The following GLRX3 variants were observed in gnomAD, a reference collection of about 807,000 sequenced individuals.
The protein encoded by GLRX3 is glutaredoxin 3.
A neutral mutation model predicts 49.5 loss-of-function variants in GLRX3; 22 were observed. The ratio of observed to expected loss-of-function variants is 0.44; its 90% CI spans 0.32 to 0.63. The LOEUF (loss-of-function observed/expected upper bound fraction) is 0.63, where lower values mean the gene tolerates loss of function less well. Ranked by LOEUF, GLRX3 falls within the 30% of genes least tolerant of loss-of-function variation. The pLI, the probability that GLRX3 is intolerant of heterozygous loss-of-function variation, is 0.05. For synonymous variants in GLRX3, 133 were observed against 140.0 expected, an observed-to-expected ratio of 0.95 and a Z score of 0.35; for missense variants, 385 against 396.3, an observed-to-expected ratio of 0.97 and a Z score of 0.24.
chr10:130,147,750 G>A (rs563578748), intron 2 of GLRX3, among the ~76,000 whole-genome samples: 3 of 152,340 alleles, frequency 2.0e-5, no homozygotes, highest in Admixed American at 6.5e-5. Context: ...CCCAGTAAGA[G>A]AGGCGTGCAG....
intron 4 of GLRX3, among the ~76,000 whole-genome samples, chr10:130,165,938 G>A (rs1244284948): frequency 2.0e-5 from 3 of 152,208 alleles, no homozygotes; most frequent in Non-Finnish European, 4.4e-5. Flanking sequence ...GCCACCCATG[G>A]CCTCATCATG....
chr10:130,139,875 G>A (rs1385507156), intron 1 of GLRX3, among the ~76,000 whole-genome samples: 1 of 152,170 alleles, frequency 6.6e-6, no homozygotes, highest in Non-Finnish European at 1.5e-5. Context: ...GCTGCGGTGA[G>A]CTATGATCCT....
intron 2 of GLRX3, among the ~76,000 whole-genome samples, chr10:130,152,055 C>G (rs1862387147): frequency 6.6e-6 from 1 of 151,574 alleles, no homozygotes; most frequent in African/African-American, 2.4e-5. Context: ...GAGTCTCACT[C>G]TATTGCCCAG....
chr10:130,139,492 A>G (rs1192914011), intron 1 of GLRX3, among the ~76,000 whole-genome samples: 1 of 151,978 alleles, frequency 6.6e-6, no homozygotes. Flanking sequence ...AATACAAAAA[A>G]TTAGCCAGGC....
chr10:130,147,154 G>A (rs886373565), intron 2 of GLRX3, among the ~76,000 whole-genome samples: 2 of 152,188 alleles, frequency 1.3e-5, no homozygotes, highest in Admixed American at 1.3e-4. Context: ...TGTAACTGTA[G>A]AGTGTAACCC....
intron 1 of GLRX3, among the ~76,000 whole-genome samples, chr10:130,138,804 T>A (rs1275659059): frequency 7.9e-5 from 12 of 151,830 alleles, no homozygotes; most frequent in Non-Finnish European, 1.8e-4. Flanking sequence ...TTTAAATGCT[T>A]CATGTTTTAA....
chr10:130,141,148 C>T (rs1862164307), intron 1 of GLRX3, among the ~76,000 whole-genome samples: 1 of 152,128 alleles, frequency 6.6e-6, no homozygotes, highest in African/African-American at 2.4e-5. Context: ...TGAGACCAGC[C>T]TGGTCATTGG....
At chr10:130,167,334 C>T (rs1862712582) in intron 6 of GLRX3, among the ~76,000 whole-genome samples, 2 of 152,196 alleles carry the variant, frequency 1.3e-5, no homozygotes, top group Non-Finnish European at 2.9e-5. Context: ...TTACTGGGTG[C>T]AGCCTTGGTG....
chr10:130,164,443 TCTTA>T (rs1430100874), intron 4 of GLRX3, among the ~76,000 whole-genome samples: 1 of 152,208 alleles, frequency 6.6e-6, no homozygotes, highest in South Asian at 2.1e-4. Context: ...CCAGCCGGGC[TCTTA>T]CTTTTGAATC....
intron 6 of GLRX3, among the ~76,000 whole-genome samples, chr10:130,169,023 C>T (rs971086454): frequency 2.0e-5 from 3 of 152,054 alleles, no homozygotes; most frequent in Non-Finnish European, 4.4e-5. Flanking sequence ...CCCTGCAGTC[C>T]GACCTTGTGA....
At chr10:130,170,531 G>A (rs891072507) in intron 7 of GLRX3, among the ~76,000 whole-genome samples, 1 of 152,104 alleles carries the variant, frequency 6.6e-6, no homozygotes, top group Non-Finnish European at 1.5e-5. Flanking sequence ...CATTAGGTTA[G>A]GGCCTAAATT....
At chr10:130,142,108 C>A (rs1489528340) in intron 1 of GLRX3, among the ~76,000 whole-genome samples, 1 of 152,144 alleles carries the variant, frequency 6.6e-6, no homozygotes, top group Non-Finnish European at 1.5e-5. Context: ...AATTAACATC[C>A]GGTGACTAGG....
At position 130,161,017 on chromosome 10, in the gene GLRX3, A is replaced by G. The variant is rs191730712; in HGVS notation, c.478+20A>G. On this transcript the variant is annotated intron_variant, in intron 4 of 10. Coordinates refer to ENST00000331244, the MANE Select transcript of GLRX3 (RefSeq NM_006541.5). ...GCTGTGGTAAGAAGCTGCCTTTAAC[A>G]TAATATAAACAAAATGGGTGCTTTC... 3.1e-4 allele frequency: 487 copies of G among 1,575,614 alleles called. No homozygotes were observed. Among genetic ancestry groups the G allele is most frequent in the Non-Finnish European group, 3.9e-4 (446 of 1,147,372 alleles).
downstream of GLRX3, chr10:130,180,075 A>T (rs1862995354): frequency 6.7e-6 from 1 of 148,362 alleles, no homozygotes; most frequent in South Asian, 2.1e-4. Context: ...AAGTATTGTC[A>T]TTTGTTGTAA....
At chr10:130,177,117 G>T (rs1862938745) in intron 10 of GLRX3, among the ~76,000 whole-genome samples, 1 of 152,126 alleles carries the variant, frequency 6.6e-6, no homozygotes, top group African/African-American at 2.4e-5. Flanking sequence ...TCTGTTTCTT[G>T]CAGAATGCAG....
In GLRX3 at chr10:130,160,846, C is replaced by T; in HGVS notation, c.327C>T (p.Thr109=). The change falls in exon 4 of 11, where the codon ACC becomes ACT. Residue 109 remains threonine, a synonymous_variant. Transcript: ENST00000331244. ...RLDGAHAPEL[T]KKVQRHASSG... The stretch of plus-strand genomic sequence containing the variant: ...ATGGTGCACATGCCCCAGAGTTGAC[C>T]AAAAAAGTTCAGCGACATGCATCTA... 5 of 1,610,584 alleles carry T rather than the reference C, an allele frequency of 3.1e-6. No homozygotes were observed. Among genetic ancestry groups the T allele is most frequent in the Non-Finnish European group, 4.2e-6 (5 of 1,176,860 alleles).
intron 2 of GLRX3, among the ~76,000 whole-genome samples, chr10:130,157,420 C>CT (rs1249018037): frequency 7.4e-6 from 1 of 135,008 alleles, no homozygotes; most frequent in Non-Finnish European, 1.5e-5. Flanking sequence ...ACAGGATTTG[C>CT]TTTTTTGCTT....
At chr10:130,176,243 C>T (rs1862917525) in intron 10 of GLRX3, among the ~76,000 whole-genome samples, 2 of 151,858 alleles carry the variant, frequency 1.3e-5, no homozygotes, top group Non-Finnish European at 2.9e-5. Context: ...CCTCAGCCTC[C>T]TGAGTAGCTG....
At chr10:130,142,303 T>TC (rs1476240335) in intron 1 of GLRX3, among the ~76,000 whole-genome samples, 1 of 152,132 alleles carries the variant, frequency 6.6e-6, no homozygotes, top group African/African-American at 2.4e-5. Context: ...AGGTAGCATC[T>TC]CCCCAAGCCC....
Sources: allele counts gnomAD v4.1 joint callset (sites outside exome capture counted in the v4.1 genomes callset), GRCh38; gene constraint gnomAD v4.1.1; transcripts MANE v1.5; gene names NCBI Gene and HGNC (gene_info 2026-07-23, HGNC 2026-07-21).